Variants in SLC44A5 observed in about 807,000 individuals in gnomAD.
SLC44A5 encodes solute carrier family 44 member 5, also known as choline transporter-like protein 5.
A neutral mutation model predicts 101.8 loss-of-function variants in SLC44A5; 57 were observed. That is an observed-to-expected ratio of 0.56 (90% CI 0.45 to 0.70). The LOEUF is 0.70. SLC44A5 is among the 30% of genes least tolerant of loss of function. SLC44A5 has a pLI of 0.00. For missense variants in SLC44A5, 737 were observed against 853.1 expected, an observed-to-expected ratio of 0.86 and a Z score of 1.70; for synonymous variants, 281 against 290.9, an observed-to-expected ratio of 0.97 and a Z score of 0.35.
chr1:75,281,651 C>G lies in SLC44A5; in HGVS notation c.176-6609G>C, dbSNP rs1020505525. Among the ~76,000 whole-genome samples, 10 of 84,918 alleles carry G rather than the reference C, an allele frequency of 1.2e-4. 1 individual carries two copies. The highest frequency in any genetic ancestry group is 2.0e-4 in the African/African-American group (5 of 25,310). 55.7% of individuals were successfully genotyped at this position (84,918 alleles called of 152,430 possible). A position where few individuals can be genotyped will look rare whatever the true frequency, so the allele number is the denominator to read the frequency against. ...CTGGTGCCAGGCCCCCCCCCCCCCCCGCTGCATTTAGCCTAGGGACTTGGT... is the reference window on the plus strand; with the variant it reads ...CTGGTGCCAGGCCCCCCCCCCCCCCGGCTGCATTTAGCCTAGGGACTTGGT... On this transcript the variant is annotated intron_variant, in intron 5 of 23. Coordinates refer to ENST00000370859, the MANE Select transcript of SLC44A5 (RefSeq NM_001130058.2).
intron 6 of SLC44A5, among the ~76,000 whole-genome samples, chr1:75,253,240 G>C (rs1285863470): frequency 6.6e-6 from 1 of 152,132 alleles, no homozygotes; most frequent in Non-Finnish European, 1.5e-5. Context: ...GTAATAGCAG[G>C]CCAGGCCCTC....
chr1:75,323,173 T>C (rs1205803622), intron 4 of SLC44A5, among the ~76,000 whole-genome samples: 4 of 147,590 alleles, frequency 2.7e-5, no homozygotes, highest in Non-Finnish European at 6.0e-5. Context: ...TTCCCACCTA[T>C]GAGTGAGAAT....
intron 2 of SLC44A5, among the ~76,000 whole-genome samples, chr1:75,439,341 CAT>C (rs1301866815): frequency 1.1e-4 from 16 of 152,082 alleles, no homozygotes; most frequent in Admixed American, 5.9e-4. Flanking sequence ...TCTGTGGTAA[CAT>C]GTGGTAAAAA....
chr1:75,477,909 A>G (rs1322721880), intron 2 of SLC44A5, among the ~76,000 whole-genome samples: 5 of 152,166 alleles, frequency 3.3e-5, no homozygotes, highest in Non-Finnish European at 7.4e-5. Context: ...GAACGCCACA[A>G]AGATACTCCT....
At chr1:75,638,655 T>C in the SLC44A5 span, among the ~76,000 whole-genome samples, 1 of 152,110 alleles carries the variant, frequency 6.6e-6, no homozygotes, top group Admixed American at 6.6e-5. Flanking sequence ...TGATAAATCT[T>C]GTCAGCCTGC....
At chr1:75,227,911 A>G in intron 12 of SLC44A5, 54 bp from the exon 13 acceptor site, 4 of 1,422,488 alleles carry the variant, frequency 2.8e-6, no homozygotes, top group Non-Finnish European at 3.8e-6. Context: ...CTGAAATAGG[A>G]GCTATATGTG....
intron 4 of SLC44A5, among the ~76,000 whole-genome samples, chr1:75,323,688 A>G (rs1297222259): frequency 6.6e-6 from 1 of 152,238 alleles, no homozygotes; most frequent in East Asian, 1.9e-4. Context: ...TGTAATGAGT[A>G]ATTAAATATG....
chr1:75,706,359 A>C, the SLC44A5 span, among the ~76,000 whole-genome samples: 1 of 152,026 alleles, frequency 6.6e-6, no homozygotes, highest in South Asian at 2.1e-4. Context: ...TCTTCTTTTG[A>C]CCTCAAATAT....
At chr1:75,218,386 G>T in intron 17 of SLC44A5, 104 bp downstream of exon 17, 1 of 1,429,820 alleles carries the variant, frequency 7.0e-7, no homozygotes, top group Non-Finnish European at 9.5e-7. Context: ...TCATACCTTT[G>T]ATTTCATTTG....
At chr1:75,687,326 C>CAG in the SLC44A5 span, among the ~76,000 whole-genome samples, 1 of 152,118 alleles carries the variant, frequency 6.6e-6, no homozygotes, top group Non-Finnish European at 1.5e-5. Flanking sequence ...TTTTTTCATA[C>CAG]AGAGTCTCAC....
chr1:75,378,142 C>T lies in SLC44A5; in HGVS notation c.52+18441G>A, dbSNP rs528471186. On this transcript the variant is annotated intron_variant, in intron 3 of 23. Coordinates refer to ENST00000370859, the MANE Select transcript of SLC44A5 (RefSeq NM_001130058.2). Reference sequence around the variant, plus strand: ...ACAAGTCGACGAGAGATCCCAAGTACGTCTACAGTCAGCCTTACAGTAAGC... The same window carrying T: ...ACAAGTCGACGAGAGATCCCAAGTATGTCTACAGTCAGCCTTACAGTAAGC... Among the ~76,000 whole-genome samples the T allele has an allele frequency of 3.9e-4, 32 of 82,220 alleles. 9 individuals carry two copies. In the South Asian group the frequency reaches 4.7e-3, roughly 12 times the overall value. 53.9% of individuals were successfully genotyped at this position (82,220 alleles called of 152,430 possible).
At chr1:75,587,827 C>G (rs1260070671) in intron 1 of SLC44A5, among the ~76,000 whole-genome samples, 1 of 152,168 alleles carries the variant, frequency 6.6e-6, no homozygotes, top group African/African-American at 2.4e-5. Context: ...TCCAAAGACC[C>G]TGCTCCTGGA....
chr1:75,234,721 G>GATAA (rs776679477), intron 11 of SLC44A5, among the ~76,000 whole-genome samples: 2 of 152,036 alleles, frequency 1.3e-5, no homozygotes, highest in Non-Finnish European at 2.9e-5. Flanking sequence ...TTGGAATCAT[G>GATAA]ATAAGGCTTC....
intron 2 of SLC44A5, among the ~76,000 whole-genome samples, chr1:75,421,346 G>C (rs1052574115): frequency 6.6e-6 from 1 of 152,126 alleles, no homozygotes; most frequent in African/African-American, 2.4e-5. Flanking sequence ...CTGCAAACTT[G>C]AGGAGGAATA....
intron 4 of SLC44A5, among the ~76,000 whole-genome samples, chr1:75,334,969 G>A (rs1657328247): frequency 6.6e-6 from 1 of 152,118 alleles, no homozygotes; most frequent in Non-Finnish European, 1.5e-5. Flanking sequence ...CTTCAGTTAA[G>A]CCATGAGCTC....
intron 2 of SLC44A5, among the ~76,000 whole-genome samples, chr1:75,405,928 G>A (rs746498510): frequency 6.7e-6 from 1 of 150,320 alleles, no homozygotes; most frequent in Non-Finnish European, 1.5e-5. Context: ...CCAGGAGCTG[G>A]TTTTTGAAAA....
At chr1:75,680,732 G>T in the SLC44A5 span, among the ~76,000 whole-genome samples, 1 of 151,800 alleles carries the variant, frequency 6.6e-6, no homozygotes, top group Non-Finnish European at 1.5e-5. Flanking sequence ...ACATTCAAAA[G>T]CTAGCAGAAG....
intron 1 of SLC44A5, among the ~76,000 whole-genome samples, chr1:75,602,852 G>A (rs1270411002): frequency 6.6e-6 from 1 of 152,044 alleles, no homozygotes; most frequent in South Asian, 2.1e-4. Flanking sequence ...AAACTTGTAC[G>A]TACAAATGTA....
At chr1:75,319,116 C>T (rs1009202579) in intron 4 of SLC44A5, among the ~76,000 whole-genome samples, 2 of 152,096 alleles carry the variant, frequency 1.3e-5, no homozygotes, top group African/African-American at 4.8e-5. Context: ...AGCTGGTAAA[C>T]AGTACATTAT....
Sources: allele counts gnomAD v4.1 joint callset (sites outside exome capture counted in the v4.1 genomes callset), GRCh38; gene constraint gnomAD v4.1.1; transcripts MANE v1.5; gene names NCBI Gene and HGNC (gene_info 2026-07-23, HGNC 2026-07-21).